The following GLIS1 variants were observed in gnomAD, a reference collection of about 807,000 sequenced individuals.
GLIS1 encodes zinc finger protein GLIS1.
Under a neutral mutation model 63.8 loss-of-function variants are expected in GLIS1, and 24 were observed. The observed-to-expected ratio is 0.38, with a 90% CI of 0.27 to 0.53. The LOEUF (loss-of-function observed/expected upper bound fraction) is 0.53. GLIS1 is among the 20% of genes least tolerant of loss of function. The pLI is 0.85. For missense variants in GLIS1, 1,036 were observed against 1,074.1 expected (o/e 0.96, Z 0.50); for synonymous variants, 450 against 482.5 (o/e 0.93, Z 0.88).
chr1:53,737,829 G>A lies in GLIS1; in HGVS notation c.236C>T (p.Ser79Phe), dbSNP rs1445108118. The change falls in exon 2 of 11, where the codon TCC (serine) becomes TTC (phenylalanine). Residue 79 changes from serine (S) to phenylalanine (F), a missense_variant. Physicochemically the swap from Ser to Phe is radical, Grantham distance 155. Coordinates refer to ENST00000628545, the MANE Select transcript of GLIS1 (RefSeq NM_001367484.1). ...ACCCTTCCCGGCGGCGGCGGCCTTG[G>A]ATGGACCGTAGTCTCGGGGACTGCG... ...RPRSPRDYGP[S>F]KAAAAGKVNG... 2 of 1,231,018 alleles carry A rather than the reference G, an allele frequency of 1.6e-6. No homozygotes were observed. Among genetic ancestry groups the A allele is most frequent in the East Asian group, 6.3e-5 (2 of 31,680 alleles). The allele number at this position is 1,231,018 out of a possible 1,614,324, so 76.3% of individuals were successfully genotyped here.
At chr1:53,590,708 G>A (rs1409449945) in intron 4 of GLIS1, among the ~76,000 whole-genome samples, 2 of 152,150 alleles carry the variant, frequency 1.3e-5, no homozygotes, top group African/African-American at 2.4e-5. Flanking sequence ...GAGACAACTC[G>A]GGCAACGTAA....
rs890394853 is a variant in GLIS1, at chr1:53,737,971, C to A, written c.94G>T (p.Ala32Ser). The A allele has an allele frequency of 1.2e-5, 15 of 1,230,130 alleles. No individual in the cohort carries two copies. The African/African-American group carries it at 2.2e-4, about 18-fold the overall frequency. 76.2% of individuals were successfully genotyped at this position (1,230,130 alleles called of 1,614,324 possible). A position where few individuals can be genotyped will look rare whatever the true frequency, so the allele number is the denominator to read the frequency against. The change falls in exon 2 of 11, where the codon GCG becomes TCG. Residue 32 changes from alanine to serine, a missense_variant. Physicochemically the swap from Ala to Ser is moderately conservative, Grantham distance 99. This residue lies in a region of GLIS1 where 592 missense variants were observed against 593.9 expected (regional missense o/e 1.00). Coordinates refer to ENST00000628545, the MANE Select transcript of GLIS1 (RefSeq NM_001367484.1). ...GPDRGPASLG[A>S]HMAFRVTVSG... ...ACGGTGACCCTGAAGGCCATGTGCG[C>A]GCCGAGGCTGGCGGGGCCGCGGTCG...
intron 4 of GLIS1, among the ~76,000 whole-genome samples, chr1:53,533,396 A>G (rs961353548): frequency 6.6e-6 from 1 of 152,010 alleles, no homozygotes; most frequent in African/African-American, 2.4e-5. Flanking sequence ...CTGTGAGTAC[A>G]CCCCCTTACC....
At chr1:53,692,446 C>A (rs1646416450) in intron 2 of GLIS1, among the ~76,000 whole-genome samples, 1 of 152,244 alleles carries the variant, frequency 6.6e-6, no homozygotes, top group South Asian at 2.1e-4. Context: ...ATAAACATAG[C>A]TAGCAATTAT....
At chr1:53,611,234 C>T (rs1438766404) in intron 2 of GLIS1, among the ~76,000 whole-genome samples, 1 of 152,160 alleles carries the variant, frequency 6.6e-6, no homozygotes, top group East Asian at 1.9e-4. Context: ...ATAGGCAACA[C>T]ACGCACTATC....
Position 53,550,301 on chromosome 1 carries a change from C to T in GLIS1, c.1321-20349G>A, listed in dbSNP as rs1444155795. ...AGAAGCAGCTCAGCCCCCATTAACA[C>T]ATTAGCAAGTGAGCATCCCTGGCCT... On this transcript the variant is annotated intron_variant, in intron 4 of 10. Transcript: ENST00000628545. Among the ~76,000 whole-genome samples the T allele has an allele frequency of 2.0e-5, 3 of 152,304 alleles. No homozygotes were observed. The East Asian group carries it at 5.8e-4, about 29-fold the overall frequency.
At chr1:53,588,231 T>A (rs1414500205) in intron 4 of GLIS1, among the ~76,000 whole-genome samples, 1 of 152,052 alleles carries the variant, frequency 6.6e-6, no homozygotes, top group Non-Finnish European at 1.5e-5. Context: ...AGCAATAATA[T>A]CACAAGATTC....
Position 53,656,709 on chromosome 1 carries a change from C to T in GLIS1, c.260-56431G>A, listed in dbSNP as rs187416767. 3.5e-4 allele frequency among the ~76,000 whole-genome samples: 53 copies of T among 152,238 alleles called. No individual in the cohort carries two copies. The East Asian group carries it at 0.01, about 29-fold the overall frequency. ...AACCTTCCGTGGTTGAGAAAGGGGT[C>T]GGAGAGGGCCAGGGGGAGATGGTGA... On this transcript the variant is annotated intron_variant, in intron 2 of 10. Transcript: ENST00000628545.
At chr1:53,562,619 G>A (rs1229131046) in intron 4 of GLIS1, among the ~76,000 whole-genome samples, 1 of 152,098 alleles carries the variant, frequency 6.6e-6, no homozygotes, top group Non-Finnish European at 1.5e-5. Context: ...TGCCCCGGGG[G>A]CAGGCATCCC....
At chr1:53,550,310 G>A (rs988318568) in intron 4 of GLIS1, among the ~76,000 whole-genome samples, 7 of 152,194 alleles carry the variant, frequency 4.6e-5, no homozygotes, top group Non-Finnish European at 8.8e-5. Context: ...ACATTAGCAA[G>A]TGAGCATCCC....
At chr1:53,638,013 C>A (rs1369855025) in intron 2 of GLIS1, among the ~76,000 whole-genome samples, 2 of 152,226 alleles carry the variant, frequency 1.3e-5, no homozygotes, top group Non-Finnish European at 2.9e-5. Context: ...CAGGCCAAAG[C>A]CTGCAGCCTG....
intron 2 of GLIS1, among the ~76,000 whole-genome samples, chr1:53,673,451 A>T (rs879712997): frequency 6.6e-6 from 1 of 152,266 alleles, no homozygotes; most frequent in East Asian, 1.9e-4. Context: ...TCAAGCCCTG[A>T]CTACGCTCAG....
intron 2 of GLIS1, among the ~76,000 whole-genome samples, chr1:53,682,109 C>G (rs757774229): frequency 1.3e-5 from 2 of 152,250 alleles, no homozygotes; most frequent in Non-Finnish European, 2.9e-5. Context: ...CAGCGGGGGC[C>G]GTTCCAGGCA....
chr1:53,687,194 A>G (rs1300096449), intron 2 of GLIS1, among the ~76,000 whole-genome samples: 1 of 152,226 alleles, frequency 6.6e-6, no homozygotes, highest in African/African-American at 2.4e-5. Context: ...GCCAGGCAGG[A>G]GAGCTGGACT....
intron 8 of GLIS1, 28 bp from the exon 9 acceptor site, chr1:53,510,055 A>C (rs1644283566): frequency 5.6e-6 from 7 of 1,245,414 alleles, no homozygotes; most frequent in Non-Finnish European, 7.1e-6. Flanking sequence ...GCCCATCAGC[A>C]GGCAGGGGTC....
At chr1:53,701,663 C>T (rs765758690) in intron 2 of GLIS1, among the ~76,000 whole-genome samples, 5 of 152,182 alleles carry the variant, frequency 3.3e-5, no homozygotes, top group South Asian at 4.1e-4. Flanking sequence ...CTGCCTCCTA[C>T]GTAGAGACAC....
rs370468534 is a variant in GLIS1, at chr1:53,594,254, C to G, written c.1174G>C (p.Glu392Gln). ...EQQEELVRHI[E>Q]KSHIDQRKGE... is the part of the protein sequence containing the mutation. ...TTGCGCTGGTCGATGTGGCTCTTCTCGATGTGCCGCACCAGCTCCTCCTGC... is the reference window on the plus strand; with the variant it reads ...TTGCGCTGGTCGATGTGGCTCTTCTGGATGTGCCGCACCAGCTCCTCCTGC... The change falls in exon 4 of 11, where the codon GAG becomes CAG. Residue 392 changes from glutamate (E) to glutamine (Q), a missense_variant. Transcript: ENST00000628545. The G allele has an allele frequency of 1.5e-5, 25 of 1,613,510 alleles. No individual in the cohort carries two copies. Among genetic ancestry groups the G allele is most frequent in the Middle Eastern group, 1.6e-4 (1 of 6,084 alleles).
rs146168656 is a variant in GLIS1 at position 53,634,958 on chromosome 1, G to T, written c.260-34680C>A. Among the ~76,000 whole-genome samples, 681 of 152,214 alleles carry T rather than the reference G, an allele frequency of 4.5e-3. 2 individuals carry two copies. The highest frequency in any genetic ancestry group is 0.016 in the African/African-American group (654 of 41,536). ...GATCACTTCCCAGGAACATTACCTA[G>T]ACCAGAGCATGACAATCTCTGCTTT... On this transcript the variant is annotated intron_variant, in intron 2 of 10. Coordinates refer to ENST00000628545, the MANE Select transcript of GLIS1 (RefSeq NM_001367484.1).
At chr1:53,527,881 G>A (rs1008516709) in intron 5 of GLIS1, among the ~76,000 whole-genome samples, 13 of 152,216 alleles carry the variant, frequency 8.5e-5, no homozygotes, top group Non-Finnish European at 1.5e-4. Context: ...TCTGGGCCTG[G>A]CCTGACCTAG....
Sources: allele counts gnomAD v4.1 joint callset (sites outside exome capture counted in the v4.1 genomes callset), GRCh38; gene constraint gnomAD v4.1.1; regional missense constraint gnomAD v4.1.1; transcripts MANE v1.5; gene names NCBI Gene and HGNC (gene_info 2026-07-23, HGNC 2026-07-21).